GPM6B: variants seen among roughly 807,000 people sequenced by gnomAD.
GPM6B encodes glycoprotein M6B.
GPM6B carries 4 observed loss-of-function variants against 27.2 expected under a neutral mutation model. That is an observed-to-expected ratio of 0.15 (90% CI 0.07 to 0.34). GPM6B has a LOEUF of 0.34. Ranked by LOEUF, GPM6B falls within the 10% of genes least tolerant of loss-of-function variation. GPM6B has a pLI of 1.00. For synonymous variants in GPM6B, 124 were observed against 103.1 expected (o/e 1.20, Z -1.23); for missense variants, 183 against 261.9 (o/e 0.70, Z 2.08).
chrX:13,867,110 G>C (rs749034525), intron 1 of GPM6B, among the ~76,000 whole-genome samples: 2 of 35,317 alleles, frequency 5.7e-5, no homozygotes, highest in South Asian at 3.0e-3. Context: ...ATCATGAAGA[G>C]GCATTTATTT....
chrX:13,821,876 T>C (rs1335992748), upstream of GPM6B, among the ~76,000 whole-genome samples: 3 of 112,181 alleles, frequency 2.7e-5, no homozygotes, highest in African/African-American at 9.7e-5. Context: ...ATTACAGGCA[T>C]GAGCCATCGT....
At chrX:13,820,874 G>C (rs983529207), upstream of GPM6B, among the ~76,000 whole-genome samples, 24 of 111,316 alleles carry the variant, frequency 2.2e-4, no homozygotes, top group African/African-American at 6.9e-4. Flanking sequence ...ACCAGGGAGA[G>C]ATACAGATTT....
At chrX:13,775,729 G>A (rs1319762544) in intron 7 of GPM6B, among the ~76,000 whole-genome samples, 1 of 112,405 alleles carries the variant, frequency 8.9e-6, no homozygotes, top group East Asian at 2.8e-4. Context: ...GATGTGACCA[G>A]AGGCTCACAG....
chrX:13,862,506 A>G (rs1238688239), intron 1 of GPM6B, among the ~76,000 whole-genome samples: 4 of 111,138 alleles, frequency 3.6e-5, no homozygotes, highest in African/African-American at 1.3e-4. Context: ...CCCAAACACT[A>G]TTTTCATAAC....
At chrX:13,927,760 C>G (rs1921284501) in intron 1 of GPM6B, among the ~76,000 whole-genome samples, 1 of 112,780 alleles carries the variant, frequency 8.9e-6, no homozygotes, top group South Asian at 3.6e-4. Context: ...ACACTTACAG[C>G]TTTGTCTTCA....
chrX:13,924,389 T>C (rs1243395889), intron 1 of GPM6B, among the ~76,000 whole-genome samples: 1 of 111,510 alleles, frequency 9.0e-6, no homozygotes, highest in Non-Finnish European at 1.9e-5. Context: ...AGCCTTGATC[T>C]ACTAGGCTCA....
chrX:13,869,027 C>A (rs909672059), intron 1 of GPM6B, among the ~76,000 whole-genome samples: 1 of 111,815 alleles, frequency 8.9e-6, no homozygotes, highest in African/African-American at 3.3e-5. Context: ...GGGCAGTCTA[C>A]CCTAGTATTC....
intron 1 of GPM6B, among the ~76,000 whole-genome samples, chrX:13,911,895 C>A (rs139892000): frequency 1.5e-4 from 17 of 112,322 alleles, no homozygotes; most frequent in African/African-American, 5.5e-4. Flanking sequence ...TCCCTTCACA[C>A]TGAGGATGTA....
chrX:13,851,459 C>T (rs1018716912), intron 1 of GPM6B, among the ~76,000 whole-genome samples: 2 of 111,198 alleles, frequency 1.8e-5, no homozygotes, highest in African/African-American at 6.5e-5. Context: ...ACACAGTAGG[C>T]CCTCAGTGAA....
intron 1 of GPM6B, among the ~76,000 whole-genome samples, chrX:13,825,506 C>T (rs939095196): frequency 8.9e-6 from 1 of 112,251 alleles, no homozygotes; most frequent in African/African-American, 3.2e-5. Flanking sequence ...AGGGCCCTGT[C>T]ACAGAGGAGG....
intron 1 of GPM6B, among the ~76,000 whole-genome samples, chrX:13,846,068 CTCTT>C (rs1379956732): frequency 9.0e-6 from 1 of 111,315 alleles, no homozygotes; most frequent in African/African-American, 3.3e-5. Context: ...ATTCCTTTCT[CTCTT>C]TCTCATTTTC....
rs147224148 is a variant in GPM6B at position 13,843,817 on chromosome X, T to C, written c.-197-58009A>G. ...TAATATATTCTGGATGCAAGTCTCT[T>C]AGATATATGATTTTAAATATTTTCT... is the stretch of plus-strand genomic sequence containing the variant. On this transcript the variant is annotated intron_variant, in intron 1 of 6. Coordinates refer to the GPM6B transcript ENST00000398361. Among the ~76,000 whole-genome samples the C allele has an allele frequency of 5.0e-3, 556 of 112,266 alleles. 4 individuals carry two copies. Among genetic ancestry groups the C allele is most frequent in the African/African-American group, 0.017 (527 of 30,888 alleles).
chrX:13,821,787 G>A (rs747623506), upstream of GPM6B, among the ~76,000 whole-genome samples: 8 of 110,265 alleles, frequency 7.3e-5, no homozygotes, highest in African/African-American at 2.0e-4. Flanking sequence ...TAGAGACGGC[G>A]TTTCTCCACG....
At chrX:13,841,505 A>G (rs1257894095) in intron 1 of GPM6B, among the ~76,000 whole-genome samples, 2 of 111,994 alleles carry the variant, frequency 1.8e-5, no homozygotes, top group East Asian at 5.6e-4. Context: ...TGTTCTCTCT[A>G]AAATACATGA....
rs144931614 is a variant in GPM6B, at chrX:13,812,431, A to G, written c.61+4413T>C. 7.0e-3 allele frequency among the ~76,000 whole-genome samples: 777 copies of G among 111,454 alleles called. 6 individuals are homozygous for G. The highest frequency in any genetic ancestry group is 0.023 in the African/African-American group (705 of 30,688). On this transcript the variant is annotated intron_variant, in intron 1 of 7. Coordinates refer to ENST00000316715, the MANE Select transcript of GPM6B (RefSeq NM_001001995.3). Reference sequence around the variant, plus strand: ...TGGGATTGTAACCTTCCTCTCTTAAAAACAGTCGGTGTGGTCACTTTCTTC... The same window carrying G: ...TGGGATTGTAACCTTCCTCTCTTAAGAACAGTCGGTGTGGTCACTTTCTTC...
chrX:13,819,708 CG>C (rs1248099954), upstream of GPM6B, among the ~76,000 whole-genome samples: 1 of 111,604 alleles, frequency 9.0e-6, no homozygotes, highest in African/African-American at 3.3e-5. Flanking sequence ...GCACAAGTGA[CG>C]ATGCCTGTCT....
chrX:13,920,234 T>G (rs1447156294), intron 1 of GPM6B, among the ~76,000 whole-genome samples: 1 of 77,736 alleles, frequency 1.3e-5, no homozygotes, highest in African/African-American at 5.4e-5. Context: ...GCCACTGCAC[T>G]CCAGCCTAGG....
intron 1 of GPM6B, among the ~76,000 whole-genome samples, chrX:13,862,702 ATTTTTT>A (rs2049866462): frequency 9.0e-6 from 1 of 110,988 alleles, no homozygotes; most frequent in South Asian, 3.8e-4. Flanking sequence ...TTTTATTTTT[ATTTTTT>A]GATACAGGGT....
At chrX:13,826,651 T>C (rs1039186609) in intron 1 of GPM6B, among the ~76,000 whole-genome samples, 1 of 110,328 alleles carries the variant, frequency 9.1e-6, no homozygotes, top group Non-Finnish European at 1.9e-5. Flanking sequence ...TGTGAGAAGA[T>C]CGCATGAGCC....
Sources: allele counts gnomAD v4.1 joint callset (sites outside exome capture counted in the v4.1 genomes callset), GRCh38; gene constraint gnomAD v4.1.1; transcripts MANE v1.5; gene names NCBI Gene and HGNC (gene_info 2026-07-23, HGNC 2026-07-21).